Variants in ZNF438 observed in about 807,000 individuals in gnomAD.
ZNF438 encodes the protein zinc finger protein 438.
In ZNF438, 25 loss-of-function variants were observed where a neutral mutation model predicts 38.0. The observed-to-expected ratio is 0.66, with a 90% CI of 0.48 to 0.92. ZNF438 has a LOEUF of 0.92. Among genes scored for constraint, ZNF438 ranks in the 40% least tolerant of loss-of-function variants. The pLI, the probability that ZNF438 is intolerant of heterozygous loss-of-function variation, is 0.00. For missense variants in ZNF438, 1,007 were observed against 999.6 expected (o/e 1.01, Z -0.10); for synonymous variants, 372 against 364.1 (o/e 1.02, Z -0.25).
chr10:31,008,631 A>G (rs2055375130), intron 1 of ZNF438, among the ~76,000 whole-genome samples: 1 of 152,242 alleles, frequency 6.6e-6, no homozygotes, highest in African/African-American at 2.4e-5. Flanking sequence ...AATGCTGAAT[A>G]ATATTCCATT....
At chr10:31,024,618 ACT>A (rs1395731710) in intron 1 of ZNF438, among the ~76,000 whole-genome samples, 3 of 151,602 alleles carry the variant, frequency 2.0e-5, no homozygotes, top group South Asian at 2.1e-4. Context: ...ACAGAGCGAG[ACT>A]CTGTCTCAAA....
intron 1 of ZNF438, among the ~76,000 whole-genome samples, chr10:31,030,332 G>T (rs918552405): frequency 2.0e-5 from 3 of 152,088 alleles, no homozygotes; most frequent in African/African-American, 7.2e-5. Context: ...ATTGTTCGTT[G>T]TCTATTTCCC....
Position 30,850,283 on chromosome 10 carries a change from AT to A in ZNF438, c.121del (p.Ile41LeufsTer6). 1.2e-6 allele frequency: 2 copies of A among 1,614,206 alleles called. No homozygotes were observed. The highest frequency in any genetic ancestry group is 1.7e-6 in the Non-Finnish European group (2 of 1,180,038). On this transcript the variant is annotated frameshift_variant, in exon 5 of 6. Transcript: ENST00000413025. LOFTEE classifies it high-confidence loss of function. ...TCTGGACGTTAGGACTTTGGGCACA[AT>A]TTTTGGTGCAATGGTCCTAAACTGA... is the stretch of plus-strand genomic sequence containing the variant.
At chr10:30,895,825 T>C (rs745646100) in intron 3 of ZNF438, among the ~76,000 whole-genome samples, 6 of 152,182 alleles carry the variant, frequency 3.9e-5, no homozygotes, top group Non-Finnish European at 8.8e-5. Flanking sequence ...GGATGGCTAC[T>C]ATTTAAAAAA....
chr10:30,882,360 C>T (rs868492756), intron 3 of ZNF438, among the ~76,000 whole-genome samples: 13 of 152,176 alleles, frequency 8.5e-5, no homozygotes, highest in South Asian at 2.1e-4. Context: ...TCCCTTCCTA[C>T]CAACCCAAGA....
Position 31,019,815 on chromosome 10 carries a change from C to G in ZNF438, c.-192+12018G>C, listed in dbSNP as rs988480199. ...TATTTGTTGCTTACCTGAAACTCAA[C>G]CTTAACAAGGTATCTGTATTTTTAT... On this transcript the variant is annotated intron_variant, in intron 1 of 5. Transcript: ENST00000413025. Among the ~76,000 whole-genome samples, 47 of 152,100 alleles carry G rather than the reference C, an allele frequency of 3.1e-4. 2 individuals are homozygous for G. Among genetic ancestry groups the G allele is most frequent in the Non-Finnish European group, 7.4e-5 (5 of 68,016 alleles).
chr10:30,864,613 C>A (rs1472529190), intron 4 of ZNF438, among the ~76,000 whole-genome samples: 2 of 152,206 alleles, frequency 1.3e-5, no homozygotes, highest in African/African-American at 4.8e-5. Flanking sequence ...AGTTGTACAA[C>A]ATAATTTTTA....
intron 3 of ZNF438, among the ~76,000 whole-genome samples, chr10:30,885,760 T>C (rs1260164172): frequency 6.6e-6 from 1 of 151,930 alleles, no homozygotes; most frequent in African/African-American, 2.4e-5. Flanking sequence ...AATGTCTCTG[T>C]GCAACTATTA....
chr10:30,962,927 A>G (rs1395372114), intron 1 of ZNF438, among the ~76,000 whole-genome samples: 1 of 152,252 alleles, frequency 6.6e-6, no homozygotes, highest in Non-Finnish European at 1.5e-5. Context: ...GCTATATAAT[A>G]AAATAATACA....
At chr10:30,995,656 A>T (rs999617172) in intron 1 of ZNF438, among the ~76,000 whole-genome samples, 2 of 152,226 alleles carry the variant, frequency 1.3e-5, no homozygotes, top group Admixed American at 1.3e-4. Context: ...TGATTTAAAG[A>T]ATAATTCAAT....
In ZNF438 at chr10:30,959,661, T is replaced by C. The variant is rs2049257358; in HGVS notation, c.-191-18010A>G. 1.4e-5 allele frequency among the ~76,000 whole-genome samples: 2 copies of C among 144,916 alleles called. 1 individual carries two copies. Among genetic ancestry groups the C allele is most frequent in the Non-Finnish European group, 3.1e-5 (2 of 64,140 alleles). ...TACTCAGGAGGCTGAGGCAGGAGAA[T>C]GGCGTGAACCCGGGAGGCGGAGCTT... On this transcript the variant is annotated intron_variant, in intron 1 of 5. Coordinates refer to ENST00000413025, the Ensembl canonical transcript of ZNF438.
chr10:30,962,999 A>G (rs2049668816), intron 1 of ZNF438, among the ~76,000 whole-genome samples: 1 of 152,238 alleles, frequency 6.6e-6, no homozygotes, highest in Non-Finnish European at 1.5e-5. Flanking sequence ...ATATAATCAA[A>G]GGGTCTCAAT....
chr10:30,855,014 G>C (rs763847689), intron 4 of ZNF438, among the ~76,000 whole-genome samples: 2 of 152,144 alleles, frequency 1.3e-5, no homozygotes, highest in Non-Finnish European at 2.9e-5. Context: ...TGACAGTTAA[G>C]GTTTCCAGAA....
At chr10:30,861,738 G>A (rs2035615453) in intron 4 of ZNF438, among the ~76,000 whole-genome samples, 1 of 151,884 alleles carries the variant, frequency 6.6e-6, no homozygotes, top group Non-Finnish European at 1.5e-5. Context: ...GATAAAAAAT[G>A]GTTGAAAGCC....
intron 2 of ZNF438, among the ~76,000 whole-genome samples, chr10:30,913,790 G>C (rs1247460160): frequency 6.6e-6 from 1 of 151,996 alleles, no homozygotes; most frequent in African/African-American, 2.4e-5. Flanking sequence ...AAATCTTCTG[G>C]AATAAGAACA....
chr10:30,857,259 T>TTTC (rs2034811091), intron 4 of ZNF438, among the ~76,000 whole-genome samples: 2 of 48,534 alleles, frequency 4.1e-5, no homozygotes, highest in South Asian at 1.3e-3. Context: ...CTAAAATTTC[T>TTTC]TTTTTTTTTT....
At chr10:30,983,894 ATAAAGT>A (rs1165816186) in intron 1 of ZNF438, among the ~76,000 whole-genome samples, 2 of 152,162 alleles carry the variant, frequency 1.3e-5, no homozygotes, top group Non-Finnish European at 2.9e-5. Context: ...CCAGTTGTCC[ATAAAGT>A]TAAACATCTT....
At chr10:30,959,017 G>A (rs186306507) in intron 1 of ZNF438, among the ~76,000 whole-genome samples, 1 of 146,532 alleles carries the variant, frequency 6.8e-6, no homozygotes, top group Non-Finnish European at 1.5e-5. Flanking sequence ...AAATAATGTT[G>A]CCAAGAGCAA....
intron 1 of ZNF438, among the ~76,000 whole-genome samples, chr10:31,017,838 T>C (rs1242090871): frequency 1.3e-5 from 2 of 152,218 alleles, no homozygotes; most frequent in East Asian, 3.8e-4. Flanking sequence ...AAGTAACACG[T>C]ACCACTTCCA....
Sources: gnomAD v4.1 joint callset for allele counts (sites outside exome capture counted in the v4.1 genomes callset) on GRCh38, gnomAD v4.1.1 for gene constraint, MANE v1.5 for transcripts, NCBI Gene and HGNC (gene_info 2026-07-23, HGNC 2026-07-21) for gene names.